Variants in SLIT2 observed in about 807,000 individuals in gnomAD.
SLIT2 encodes the protein slit homolog 2 protein.
Under a neutral mutation model 185.7 loss-of-function variants are expected in SLIT2, and 41 were observed. The ratio of observed to expected loss-of-function variants is 0.22; its 90% CI spans 0.17 to 0.29. SLIT2 has a LOEUF of 0.29. Ranked by LOEUF, SLIT2 falls within the 10% of genes least tolerant of loss-of-function variation. SLIT2 has a pLI of 1.00. For synonymous variants in SLIT2, 693 were observed against 680.2 expected, an observed-to-expected ratio of 1.02 and a Z score of -0.29; for missense variants, 1,571 against 1,909.0, an observed-to-expected ratio of 0.82 and a Z score of 3.30.
chr4:20,576,713 T>C (rs1395605035), intron 29 of SLIT2, among the ~76,000 whole-genome samples: 2 of 152,176 alleles, frequency 1.3e-5, no homozygotes, highest in Admixed American at 6.5e-5. Flanking sequence ...AAAACTTTCT[T>C]AAATGCACTT....
chr4:20,468,090 AT>A (rs1714555901), intron 5 of SLIT2, among the ~76,000 whole-genome samples: 1 of 152,082 alleles, frequency 6.6e-6, no homozygotes, highest in South Asian at 2.1e-4. Flanking sequence ...AAGTGATTTG[AT>A]TCGCAGATAT....
intron 4 of SLIT2, among the ~76,000 whole-genome samples, chr4:20,389,235 T>G (rs1725217852): frequency 6.6e-6 from 1 of 151,842 alleles, no homozygotes; most frequent in Admixed American, 6.6e-5. Flanking sequence ...TATAGGGTAT[T>G]ATTATCATCA....
At chr4:20,561,661 C>CT (rs1407711691) in intron 26 of SLIT2, among the ~76,000 whole-genome samples, 1 of 151,434 alleles carries the variant, frequency 6.6e-6, no homozygotes, top group Non-Finnish European at 1.5e-5. Context: ...TTGGTCAAAT[C>CT]TTTTTTACAT....
intron 11 of SLIT2, among the ~76,000 whole-genome samples, chr4:20,511,439 T>G (rs1719703466): frequency 6.8e-6 from 1 of 145,988 alleles, no homozygotes; most frequent in Admixed American, 6.8e-5. Flanking sequence ...TTTTTTTTTT[T>G]GAGACGGAGT....
intron 4 of SLIT2, among the ~76,000 whole-genome samples, chr4:20,370,934 C>A (rs1723521795): frequency 6.6e-6 from 1 of 152,104 alleles, no homozygotes; most frequent in Admixed American, 6.6e-5. Context: ...GTGACCAAAT[C>A]ACTAGGCATC....
chr4:20,538,420 A>ATCT (rs71181570), intron 18 of SLIT2, among the ~76,000 whole-genome samples: 89,118 of 151,998 alleles, frequency 0.59, 26,729 homozygotes, highest in African/African-American at 0.71. Context: ...GGAGAGCATC[A>ATCT]TCTTATCTGT....
At chr4:20,447,077 G>A (rs1409787344) in intron 4 of SLIT2, among the ~76,000 whole-genome samples, 1 of 152,162 alleles carries the variant, frequency 6.6e-6, no homozygotes, top group South Asian at 2.1e-4. Flanking sequence ...TGCCTCGAGG[G>A]TGTACCTTGC....
Position 20,506,271 on chromosome 4 carries a change from T to C in SLIT2, c.915-4224T>C, listed in dbSNP as rs111887485. ...TATTTTTACTTTGAAACTCAAGATA[T>C]TGAATTTTCTCCGAAGGACTGACAT... On this transcript the variant is annotated intron_variant, in intron 9 of 36. Transcript: ENST00000504154. Among the ~76,000 whole-genome samples the C allele has an allele frequency of 5.0e-3, 761 of 152,172 alleles. 7 individuals carry two copies. Among genetic ancestry groups the C allele is most frequent in the African/African-American group, 0.018 (734 of 41,574 alleles).
At position 20,319,829 on chromosome 4, in the gene SLIT2, C is replaced by A. The variant is rs1024900575; in HGVS notation, c.395+50948C>A. 3.1e-4 allele frequency among the ~76,000 whole-genome samples: 47 copies of A among 151,328 alleles called. No homozygotes were observed. The East Asian group carries it at 3.3e-3, about 11-fold the overall frequency. On this transcript the variant is annotated intron_variant, in intron 4 of 36. Transcript: ENST00000504154. ...AACAAAACAAAAAAAAAACAAAAAC[C>A]ATAACATCCCCAAACCAAAACACCT... is the stretch of plus-strand genomic sequence containing the variant.
chr4:20,523,779 A>T lies in SLIT2; in HGVS notation c.1150A>T (p.Ile384Leu), dbSNP rs780637181. The T allele has an allele frequency of 2.5e-6, 4 of 1,614,058 alleles. No homozygotes were observed. The South Asian group carries it at 4.4e-5, about 18-fold the overall frequency. Residue 384 changes from isoleucine (I) to leucine (L), a missense_variant, in exon 13 of 37, where the codon ATA (isoleucine) becomes TTA (leucine). Ile to Leu is a conservative substitution (Grantham distance 5, BLOSUM62 2). Coordinates refer to ENST00000504154, the MANE Select transcript of SLIT2 (RefSeq NM_004787.4). ...LQLLLLNANK[I>L]NCLRVDAFQD... ...AAACAGATTATTGAATGCCAACAAG[A>T]TAAACTGCCTTCGGGTAGATGCTTT...
intron 19 of SLIT2, among the ~76,000 whole-genome samples, chr4:20,539,940 A>AAAAGG (rs1722659235): frequency 6.6e-6 from 1 of 152,098 alleles, no homozygotes; most frequent in East Asian, 1.9e-4. Context: ...TTTTCAGTAT[A>AAAAGG]AGTATTATAA....
chr4:20,349,524 T>G lies in SLIT2; in HGVS notation c.395+80643T>G, dbSNP rs528931920. Among the ~76,000 whole-genome samples the G allele has an allele frequency of 2.6e-5, 4 of 152,280 alleles. No homozygotes were observed. The South Asian group carries it at 6.2e-4, about 24-fold the overall frequency. On this transcript the variant is annotated intron_variant, in intron 4 of 36. Coordinates refer to ENST00000504154, the MANE Select transcript of SLIT2 (RefSeq NM_004787.4). ...AAAGATATGATGCTATTGAAAGAAA[T>G]GTACTGTGAGCTCCACGTTTCCTGA... is the stretch of plus-strand genomic sequence containing the variant.
intron 33 of SLIT2, 97 bp downstream of exon 33, chr4:20,598,492 G>T: frequency 7.0e-7 from 1 of 1,433,772 alleles, no homozygotes; most frequent in South Asian, 1.2e-5. Flanking sequence ...GAGAGACTAA[G>T]TTGGCCCCAG....
At chr4:20,327,443 A>G in intron 4 of SLIT2, among the ~76,000 whole-genome samples, 1 of 152,160 alleles carries the variant, frequency 6.6e-6, no homozygotes, top group East Asian at 1.9e-4. Context: ...CAAAAAAGTT[A>G]TTTTAGAAAA....
intron 22 of SLIT2, among the ~76,000 whole-genome samples, chr4:20,546,409 A>T (rs941326420): frequency 1.3e-5 from 2 of 152,150 alleles, no homozygotes; most frequent in African/African-American, 4.8e-5. Flanking sequence ...GGGTTATTTT[A>T]TGACAAACTA....
intron 4 of SLIT2, among the ~76,000 whole-genome samples, chr4:20,456,955 GA>G (rs947375562): frequency 6.6e-6 from 1 of 151,694 alleles, no homozygotes; most frequent in East Asian, 1.9e-4. Flanking sequence ...TTTGGATCAT[GA>G]AAAAAAATAT....
At chr4:20,548,735 G>A (rs1422224417) in intron 23 of SLIT2, among the ~76,000 whole-genome samples, 176 bp downstream of exon 23, 2 of 151,994 alleles carry the variant, frequency 1.3e-5, no homozygotes, top group Non-Finnish European at 2.9e-5. Flanking sequence ...AAAGTATTGC[G>A]TTCTATTAAA....
chr4:20,533,356 G>A, intron 17 of SLIT2: 1 of 556,788 alleles, frequency 1.8e-6, no homozygotes, highest in Non-Finnish European at 3.2e-6. Context: ...TATGACATGA[G>A]TCACGCTGGC....
chr4:20,508,937 A>T (rs1209461009), intron 9 of SLIT2, among the ~76,000 whole-genome samples: 1 of 152,112 alleles, frequency 6.6e-6, no homozygotes, highest in African/African-American at 2.4e-5. Flanking sequence ...TTGAAATCAG[A>T]AAAGACCAAA....
Sources: allele counts gnomAD v4.1 joint callset (sites outside exome capture counted in the v4.1 genomes callset), GRCh38; gene constraint gnomAD v4.1.1; transcripts MANE v1.5; gene names NCBI Gene and HGNC (gene_info 2026-07-23, HGNC 2026-07-21).